Variants in PACSIN2 observed in about 807,000 individuals in gnomAD.
PACSIN2 encodes the protein protein kinase C and casein kinase substrate in neurons 2.
In PACSIN2, 25 loss-of-function variants were observed where a neutral mutation model predicts 63.8. That is an observed-to-expected ratio of 0.39 (90% CI 0.29 to 0.55). The LOEUF (loss-of-function observed/expected upper bound fraction) is 0.55, where lower values mean the gene tolerates loss of function less well. PACSIN2 is among the 20% of genes least tolerant of loss of function. The probability of loss-of-function intolerance (pLI) is 0.62; values close to 1 mark genes in which losing one functional copy is unlikely to be tolerated. For missense variants in PACSIN2, 518 were observed against 646.9 expected (o/e 0.80, Z 2.16); for synonymous variants, 255 against 256.2 (o/e 1.00, Z 0.05).
chr22:42,923,399 C>T (rs942943772), intron 1 of PACSIN2, among the ~76,000 whole-genome samples: 3 of 152,136 alleles, frequency 2.0e-5, no homozygotes, highest in Non-Finnish European at 4.4e-5. Context: ...CACTAAGCTA[C>T]TTCATCTTCA....
intron 1 of PACSIN2, among the ~76,000 whole-genome samples, chr22:42,982,882 A>AAAAAAAAC (rs1290928676): frequency 7.3e-6 from 1 of 136,290 alleles, no homozygotes; most frequent in East Asian, 2.2e-4. Flanking sequence ...AAAAAAAAAA[A>AAAAAAAAC]AAAAAAAACA....
At chr22:42,923,757 C>T (rs1273814622) in intron 1 of PACSIN2, among the ~76,000 whole-genome samples, 1 of 152,172 alleles carries the variant, frequency 6.6e-6, no homozygotes, top group Non-Finnish European at 1.5e-5. Context: ...TTTATCCTGA[C>T]TGGGCATGGT....
chr22:43,010,398 A>ATATATTT lies in PACSIN2; in HGVS notation c.-78+4622_-78+4623insAAATATA. 4.7e-3 allele frequency among the ~76,000 whole-genome samples: 589 copies of ATATATTT among 126,408 alleles called. 5 individuals carry two copies. Among genetic ancestry groups the ATATATTT allele is most frequent in the East Asian group, 0.011 (52 of 4,762 alleles). The allele number at this position is 126,408 out of a possible 152,430, so 82.9% of individuals were successfully genotyped here. A position where few individuals can be genotyped will look rare whatever the true frequency, so the allele number is the denominator to read the frequency against. ...TGTTTAAAAATACATATATATATAT[A>ATATATTT]TTTTTTTTTAATTGAAAATAAAAAA... On this transcript the variant is annotated intron_variant, in intron 1 of 10. Coordinates refer to ENST00000263246, the MANE Select transcript of PACSIN2 (RefSeq NM_001184970.3).
At chr22:42,957,578 GAA>G (rs1569322823) in intron 1 of PACSIN2, among the ~76,000 whole-genome samples, 3 of 152,150 alleles carry the variant, frequency 2.0e-5, no homozygotes, top group African/African-American at 7.2e-5. Context: ...AATGATTCTG[GAA>G]AATTGTGAGT....
intron 1 of PACSIN2, among the ~76,000 whole-genome samples, chr22:43,012,589 T>C (rs1924574019): frequency 6.6e-6 from 1 of 152,054 alleles, no homozygotes; most frequent in East Asian, 1.9e-4. Context: ...CAAGCAATTA[T>C]CATGCCACAG....
intron 7 of PACSIN2, among the ~76,000 whole-genome samples, chr22:42,879,740 G>C (rs1231353420): frequency 6.6e-6 from 1 of 152,174 alleles, no homozygotes; most frequent in East Asian, 1.9e-4. Context: ...GGAAAGGCAG[G>C]TGCAAATAAA....
chr22:43,013,944 C>G (rs1924670814), intron 1 of PACSIN2, among the ~76,000 whole-genome samples: 1 of 152,302 alleles, frequency 6.6e-6, no homozygotes, highest in South Asian at 2.1e-4. Flanking sequence ...TTCCCTCAGG[C>G]ACCCAAGCCA....
At chr22:42,877,762 G>T (rs1005048654) in intron 8 of PACSIN2, among the ~76,000 whole-genome samples, 1 of 152,092 alleles carries the variant, frequency 6.6e-6, no homozygotes, top group African/African-American at 2.4e-5. Context: ...AATCAGACAG[G>T]CACCAAGGGC....
chr22:42,914,394 G>A (rs377165460), intron 1 of PACSIN2, among the ~76,000 whole-genome samples: 5 of 152,074 alleles, frequency 3.3e-5, no homozygotes, highest in African/African-American at 1.2e-4. Context: ...CACCACGCTC[G>A]GCTAATTTTT....
chr22:43,010,398 A>ATATATATATTTT lies in PACSIN2; in HGVS notation c.-78+4622_-78+4623insAAAATATATATA. ...TGTTTAAAAATACATATATATATATATTTTTTTTTAATTGAAAATAAAAAA... is the reference window on the plus strand; with the variant it reads ...TGTTTAAAAATACATATATATATATATATATATATTTTTTTTTTTTTAATTGAAAATAAAAAA... On this transcript the variant is annotated intron_variant, in intron 1 of 10. Transcript: ENST00000263246. Among the ~76,000 whole-genome samples the ATATATATATTTT allele has an allele frequency of 1.1e-3, 143 of 126,406 alleles. 2 individuals are homozygous for ATATATATATTTT. The highest frequency in any genetic ancestry group is 3.6e-3 in the African/African-American group (129 of 35,354). The allele number at this position is 126,406 out of a possible 152,430, so 82.9% of individuals were successfully genotyped here. A position where few individuals can be genotyped will look rare whatever the true frequency, so the allele number is the denominator to read the frequency against.
intron 9 of PACSIN2, among the ~76,000 whole-genome samples, 155 bp from the exon 10 acceptor site, chr22:42,876,488 TGCCATCCACACTCATCCTGA>T (rs1928641277): frequency 6.6e-6 from 1 of 151,874 alleles, no homozygotes; most frequent in Non-Finnish European, 1.5e-5. Context: ...TGTGAGTTCA[TGCCATCCACACTCATCCTGA>T]GCCATCAACA....
chr22:42,960,982 T>A (rs1010007919), intron 1 of PACSIN2, among the ~76,000 whole-genome samples: 1 of 152,128 alleles, frequency 6.6e-6, no homozygotes, highest in Non-Finnish European at 1.5e-5. Context: ...CTAGGTGCCC[T>A]CCTAGAAGAT....
chr22:43,012,188 T>C (rs994381143), intron 1 of PACSIN2, among the ~76,000 whole-genome samples: 18 of 134,218 alleles, frequency 1.3e-4, no homozygotes, highest in Non-Finnish European at 2.2e-4. Flanking sequence ...CATACATACA[T>C]ACATACATAC....
At chr22:42,947,937 T>G (rs999083164) in intron 1 of PACSIN2, among the ~76,000 whole-genome samples, 1 of 152,138 alleles carries the variant, frequency 6.6e-6, no homozygotes, top group African/African-American at 2.4e-5. Flanking sequence ...ACTGGGGCAC[T>G]CCATTCTCAC....
At chr22:42,911,541 G>T (rs555542144) in intron 2 of PACSIN2, among the ~76,000 whole-genome samples, 2 of 152,280 alleles carry the variant, frequency 1.3e-5, no homozygotes, top group South Asian at 4.1e-4. Context: ...CCACTCATGG[G>T]TACAGACTGG....
chr22:42,934,214 G>C (rs1289993536), intron 1 of PACSIN2, among the ~76,000 whole-genome samples: 1 of 152,238 alleles, frequency 6.6e-6, no homozygotes, highest in African/African-American at 2.4e-5. Context: ...CTGAGGCTTT[G>C]AATAAAAACC....
chr22:42,873,687 G>A (rs780903244), intron 10 of PACSIN2, among the ~76,000 whole-genome samples: 3 of 152,244 alleles, frequency 2.0e-5, no homozygotes, highest in Admixed American at 2.0e-4. Flanking sequence ...TGCTGCTTCT[G>A]GGGGAGCTTC....
chr22:42,895,650 G>T, intron 2 of PACSIN2, among the ~76,000 whole-genome samples: 1 of 152,226 alleles, frequency 6.6e-6, no homozygotes, highest in East Asian at 1.9e-4. Context: ...GGAAATCCGT[G>T]ATGAATACAG....
Position 42,891,468 on chromosome 22 carries a change from T to C in PACSIN2, c.218-286A>G, listed in dbSNP as rs560128458. 2.0e-5 allele frequency among the ~76,000 whole-genome samples: 3 copies of C among 152,324 alleles called. No homozygotes were observed. In the East Asian group the frequency reaches 5.8e-4, roughly 29 times the overall value. ...CCGGCTGGAGTGCAGAGACGTGATC[T>C]TGGCTCACTGCAAACTCTGTCTCCC... On this transcript the variant is annotated intron_variant, in intron 3 of 10. Coordinates refer to ENST00000263246, the MANE Select transcript of PACSIN2 (RefSeq NM_001184970.3).
Sources: gnomAD v4.1 joint callset for allele counts (sites outside exome capture counted in the v4.1 genomes callset) on GRCh38, gnomAD v4.1.1 for gene constraint, MANE v1.5 for transcripts, NCBI Gene and HGNC (gene_info 2026-07-23, HGNC 2026-07-21) for gene names.